The following CALN1 variants were observed in gnomAD, a reference collection of about 807,000 sequenced individuals.
CALN1 encodes calcium-binding protein 8.
A neutral mutation model predicts 30.6 loss-of-function variants in CALN1; 17 were observed. The ratio of observed to expected loss-of-function variants is 0.56; its 90% confidence interval spans 0.38 to 0.83. The LOEUF is 0.83. Among genes scored for constraint, CALN1 ranks in the 40% least tolerant of loss-of-function variants. CALN1 has a pLI of 0.00. For synonymous variants in CALN1, 156 were observed against 131.4 expected (o/e 1.19, Z -1.28); for missense variants, 291 against 354.9 (o/e 0.82, Z 1.45).
intron 3 of CALN1, among the ~76,000 whole-genome samples, chr7:72,147,736 G>A (rs1401502108): frequency 2.6e-5 from 4 of 151,892 alleles, no homozygotes; most frequent in Admixed American, 2.6e-4. Context: ...AAGAAAATGT[G>A]GCACATATAC....
chr7:72,211,886 T>G (rs997864033), intron 3 of CALN1, among the ~76,000 whole-genome samples: 2 of 152,098 alleles, frequency 1.3e-5, no homozygotes, highest in African/African-American at 4.8e-5. Flanking sequence ...TTAAAGAAGA[T>G]GATGATAGAG....
In CALN1 at chr7:72,209,484, C is replaced by G. The variant is rs569530770; in HGVS notation, c.244+69202G>C. On this transcript the variant is annotated intron_variant, in intron 3 of 6. Coordinates refer to ENST00000395275, the MANE Select transcript of CALN1 (RefSeq NM_031468.4). The stretch of plus-strand genomic sequence containing the variant: ...TTCTTCCTCCCTTCCCTTCTCCCTT[C>G]CTTCCCTGCTTCCTTGCTTTTTTCC... Among the ~76,000 whole-genome samples, 249 of 146,966 alleles carry G rather than the reference C, an allele frequency of 1.7e-3. 1 individual carries two copies. The highest frequency in any genetic ancestry group is 6.1e-3 in the African/African-American group (235 of 38,422).
chr7:72,271,575 A>AAAAATATATATATAT lies in CALN1; in HGVS notation c.244+7110_244+7111insATATATATATATTTT. Among the ~76,000 whole-genome samples, 199 of 52,108 alleles carry AAAAATATATATATAT rather than the reference A, an allele frequency of 3.8e-3. 13 individuals are homozygous for AAAAATATATATATAT. The highest frequency in any genetic ancestry group is 0.021 in the African/African-American group (153 of 7,432). 34.2% of individuals were successfully genotyped at this position (52,108 alleles called of 152,430 possible). ...CTGTGCCTGCCTTTTAAAAAAAAAA[A>AAAAATATATATATAT]ATATATATATATATATATAGTTTTC... is the stretch of plus-strand genomic sequence containing the variant. On this transcript the variant is annotated intron_variant, in intron 3 of 6. Transcript: ENST00000395275.
intron 6 of CALN1, among the ~76,000 whole-genome samples, chr7:71,794,689 A>C (rs1390827812): frequency 6.6e-6 from 1 of 152,256 alleles, no homozygotes. Flanking sequence ...CCCTGAGGAC[A>C]GGAGGAAACC....
intron 5 of CALN1, among the ~76,000 whole-genome samples, chr7:71,903,115 C>T (rs921386218): frequency 2.6e-5 from 4 of 151,822 alleles, no homozygotes; most frequent in Admixed American, 6.6e-5. Context: ...CAGATTGCTA[C>T]ATTAAAAAGC....
chr7:72,170,143 A>C (rs1788835070), intron 3 of CALN1, among the ~76,000 whole-genome samples: 1 of 151,888 alleles, frequency 6.6e-6, no homozygotes, highest in South Asian at 2.1e-4. Flanking sequence ...TCAGCTAATT[A>C]TTTTTTTCTT....
At chr7:71,984,821 AAGC>A (rs1798579238) in intron 5 of CALN1, among the ~76,000 whole-genome samples, 1 of 152,190 alleles carries the variant, frequency 6.6e-6, no homozygotes, top group African/African-American at 2.4e-5. Context: ...GACTCTGGCT[AAGC>A]TTATGTAGGA....
At chr7:72,371,359 CT>C (rs1804232284) in intron 2 of CALN1, among the ~76,000 whole-genome samples, 1 of 152,166 alleles carries the variant, frequency 6.6e-6, no homozygotes, top group Non-Finnish European at 1.5e-5. Flanking sequence ...CCTTAATCCC[CT>C]AAACATGTTG....
At chr7:72,174,196 C>A (rs1418318145) in intron 3 of CALN1, among the ~76,000 whole-genome samples, 1 of 152,080 alleles carries the variant, frequency 6.6e-6, no homozygotes, top group Non-Finnish European at 1.5e-5. Context: ...TTATATACCA[C>A]CACACTTCAG....
intron 2 of CALN1, among the ~76,000 whole-genome samples, chr7:72,391,533 C>G (rs1391435477): frequency 1.3e-5 from 2 of 152,038 alleles, no homozygotes; most frequent in Non-Finnish European, 2.9e-5. Context: ...TGGCTATGTC[C>G]CCACCCAAAT....
chr7:71,893,060 C>A lies in CALN1; in HGVS notation c.502-82568G>T, dbSNP rs1793335663. Among the ~76,000 whole-genome samples, 4 of 152,262 alleles carry A rather than the reference C, an allele frequency of 2.6e-5. No homozygotes were observed. In the South Asian group the frequency reaches 8.3e-4, roughly 32 times the overall value. ...TTTAATAACTCCTTTCTTTCATTTT[C>A]TTTTCCTTGTTCATTACGTTAGATA... On this transcript the variant is annotated intron_variant, in intron 5 of 6. Coordinates refer to ENST00000395275, the MANE Select transcript of CALN1 (RefSeq NM_031468.4).
intron 3 of CALN1, among the ~76,000 whole-genome samples, chr7:72,248,076 G>A (rs1292883982): frequency 1.3e-5 from 2 of 152,192 alleles, no homozygotes; most frequent in African/African-American, 4.8e-5. Flanking sequence ...GATATTGGGA[G>A]GGCTGTATTC....
chr7:72,080,845 A>G (rs962340391), intron 4 of CALN1, among the ~76,000 whole-genome samples: 7 of 152,106 alleles, frequency 4.6e-5, no homozygotes, highest in African/African-American at 7.2e-5. Flanking sequence ...TGTTCTCAAC[A>G]GGTTTGAGAT....
chr7:71,912,590 G>T (rs568758478), intron 5 of CALN1, among the ~76,000 whole-genome samples: 51 of 152,218 alleles, frequency 3.4e-4, no homozygotes, highest in African/African-American at 1.2e-3. Flanking sequence ...TTCCAGCTTT[G>T]GCTCTTTCTC....
intron 2 of CALN1, among the ~76,000 whole-genome samples, chr7:72,319,360 CAG>C (rs1410437267): frequency 1.8e-4 from 28 of 152,294 alleles, no homozygotes; most frequent in South Asian, 6.2e-4. Flanking sequence ...CAGGCAAAGA[CAG>C]AGAGCTTGTG....
At chr7:72,303,166 G>A (rs1397386565) in intron 2 of CALN1, among the ~76,000 whole-genome samples, 1 of 152,096 alleles carries the variant, frequency 6.6e-6, no homozygotes, top group Non-Finnish European at 1.5e-5. Flanking sequence ...CATGCAAAAG[G>A]AGTCCAAGAA....
chr7:72,368,046 G>T (rs147553686), intron 2 of CALN1, among the ~76,000 whole-genome samples: 9 of 151,968 alleles, frequency 5.9e-5, no homozygotes, highest in East Asian at 1.9e-4. Flanking sequence ...GCATGAACCC[G>T]GGAGGCAGAG....
At chr7:71,925,667 CCT>C (rs1795232263) in intron 5 of CALN1, among the ~76,000 whole-genome samples, 1 of 152,014 alleles carries the variant, frequency 6.6e-6, no homozygotes, top group African/African-American at 2.4e-5. Context: ...CCATTTATTG[CCT>C]CTCAGCTCTG....
intron 5 of CALN1, among the ~76,000 whole-genome samples, chr7:72,015,730 C>A (rs1800341648): frequency 6.6e-6 from 1 of 152,122 alleles, no homozygotes; most frequent in Non-Finnish European, 1.5e-5. Flanking sequence ...AGGTGTGAGT[C>A]ACTTGCTGGG....
Sources: gnomAD v4.1 joint callset for allele counts (sites outside exome capture counted in the v4.1 genomes callset) on GRCh38, gnomAD v4.1.1 for gene constraint, MANE v1.5 for transcripts, NCBI Gene and HGNC (gene_info 2026-07-23, HGNC 2026-07-21) for gene names.